CFAP45: variants seen among roughly 807,000 people sequenced by gnomAD.
CFAP45 encodes the protein cilia and flagella associated protein 45.
A neutral mutation model predicts 75.6 loss-of-function variants in CFAP45; 43 were observed. That is an observed-to-expected ratio of 0.57 (90% confidence interval 0.45 to 0.73). The LOEUF is 0.73. CFAP45 is among the 30% of genes least tolerant of loss of function. CFAP45 has a pLI of 0.00. For missense variants in CFAP45, 689 were observed against 701.5 expected, an observed-to-expected ratio of 0.98 and a Z score of 0.20; for synonymous variants, 223 against 244.6, an observed-to-expected ratio of 0.91 and a Z score of 0.82.
intron 4 of CFAP45, 77 bp downstream of exon 4, chr1:159,888,275 C>A: frequency 6.9e-7 from 1 of 1,443,388 alleles, no homozygotes; most frequent in Non-Finnish European, 9.6e-7. Flanking sequence ...ATTTCAGGGT[C>A]CCCTGATGAG....
At chr1:159,889,808 G>A in intron 3 of CFAP45, among the ~76,000 whole-genome samples, 1 of 152,204 alleles carries the variant, frequency 6.6e-6, no homozygotes, top group East Asian at 1.9e-4. Flanking sequence ...GATTTTCTGG[G>A]AATTAGGGCT....
Position 159,877,382 on chromosome 1 carries a change from C to T in CFAP45, c.1125G>A (p.Met375Ile). Residue 375 changes from methionine (M) to isoleucine (I), a missense_variant, in exon 9 of 12, where the codon ATG becomes ATA. Transcript: ENST00000368099. Reference protein sequence around the residue: ...KEKEIARLRAMQEKAQDYQAE... With the variant: ...KEKEIARLRAIQEKAQDYQAE... Reference sequence around the variant, plus strand: ...CCTGGTAATCCTGGGCCTTCTCCTGCATGGCCCTCAAGCGTGCGATCTCCT... The same window carrying T: ...CCTGGTAATCCTGGGCCTTCTCCTGTATGGCCCTCAAGCGTGCGATCTCCT... 3.1e-6 allele frequency: 5 copies of T among 1,613,658 alleles called. No individual in the cohort carries two copies. Among genetic ancestry groups the T allele is most frequent in the African/African-American group, 1.3e-5 (1 of 75,044 alleles).
At chr1:159,873,241 T>TCCC in intron 10 of CFAP45, 73 bp from the exon 11 acceptor site, 1 of 1,299,862 alleles carries the variant, frequency 7.7e-7, no homozygotes, top group Non-Finnish European at 1.1e-6. Context: ...TGGGGGAGCC[T>TCCC]CCTGGGTGGG....
At chr1:159,874,220 A>C (rs1319556271) in intron 10 of CFAP45, among the ~76,000 whole-genome samples, 1 of 152,132 alleles carries the variant, frequency 6.6e-6, no homozygotes, top group Non-Finnish European at 1.5e-5. Flanking sequence ...GAAATGTAAA[A>C]TCATCTTAGG....
chr1:159,872,901 C>G (rs4460634), intron 11 of CFAP45, 43 bp downstream of exon 11: 1,024,532 of 1,569,762 alleles, frequency 0.65, 339,029 homozygotes, highest in Admixed American at 0.76. Context: ...CATCTCTTTG[C>G]GGGAGGGAAG....
At chr1:159,887,617 G>A (rs568924955) in intron 5 of CFAP45, among the ~76,000 whole-genome samples, 2 of 152,340 alleles carry the variant, frequency 1.3e-5, no homozygotes, top group East Asian at 1.9e-4. Context: ...TGAAGAAAGT[G>A]AGGCTCAGGG....
intron 1 of CFAP45, among the ~76,000 whole-genome samples, chr1:159,898,539 C>T (rs1484532215): frequency 2.0e-5 from 3 of 152,186 alleles, no homozygotes; most frequent in Non-Finnish European, 2.9e-5. Flanking sequence ...CAGTCCTGTC[C>T]CAGGAATTAC....
chr1:159,899,462 C>CTTTTTTT (rs57828010), intron 1 of CFAP45, among the ~76,000 whole-genome samples: 1 of 60,528 alleles, frequency 1.7e-5, no homozygotes, highest in African/African-American at 6.6e-5. Context: ...CTCACCAGTG[C>CTTTTTTT]TTTTTTTTTT....
At chr1:159,894,613 C>T (rs915579349) in intron 1 of CFAP45, among the ~76,000 whole-genome samples, 1 of 152,178 alleles carries the variant, frequency 6.6e-6, no homozygotes, top group Non-Finnish European at 1.5e-5. Flanking sequence ...TCCCAAGACC[C>T]TTTTAGTGTG....
chr1:159,881,282 G>A (rs1649545197), intron 7 of CFAP45, among the ~76,000 whole-genome samples: 1 of 152,202 alleles, frequency 6.6e-6, no homozygotes, highest in Non-Finnish European at 1.5e-5. Flanking sequence ...CGGCCACACA[G>A]CTTATAATCT....
chr1:159,886,803 T>C, intron 5 of CFAP45, 114 bp from the exon 6 acceptor site: 1 of 798,648 alleles, frequency 1.3e-6, no homozygotes, highest in Non-Finnish European at 2.1e-6. Context: ...GCATGACTGC[T>C]CACAAGTCCG....
At chr1:159,877,562 C>T in intron 8 of CFAP45, 100 bp from the exon 9 acceptor site, 1 of 823,924 alleles carries the variant, frequency 1.2e-6, no homozygotes, top group South Asian at 1.3e-5. Flanking sequence ...TCCCCTACCA[C>T]TTCCTGACTC....
intron 1 of CFAP45, 29 bp from the exon 2 acceptor site, chr1:159,893,334 A>C: frequency 1.9e-6 from 3 of 1,610,222 alleles, no homozygotes. Flanking sequence ...AGTTTGGGTC[A>C]TCAGTACTGA....
intron 8 of CFAP45, among the ~76,000 whole-genome samples, chr1:159,878,789 T>C (rs936095367): frequency 4.2e-5 from 2 of 48,164 alleles, no homozygotes; most frequent in East Asian, 2.6e-3. Context: ...AAAACCTTCC[T>C]TGCCCTCATT....
At chr1:159,895,221 G>C (rs1431329974) in intron 1 of CFAP45, among the ~76,000 whole-genome samples, 1 of 152,124 alleles carries the variant, frequency 6.6e-6, no homozygotes, top group South Asian at 2.1e-4. Context: ...ATGACTCCAG[G>C]CTTATGATAA....
At chr1:159,882,103 A>C (rs902563510) in intron 7 of CFAP45, among the ~76,000 whole-genome samples, 1 of 152,142 alleles carries the variant, frequency 6.6e-6, no homozygotes, top group Non-Finnish European at 1.5e-5. Context: ...TCTGAACCAG[A>C]GCGGTATGGC....
rs1292028316 is a variant in CFAP45 at position 159,890,582 on chromosome 1, A to C, written c.170T>G (p.Leu57Arg). The stretch of plus-strand genomic sequence containing the variant: ...TTTTTGAAGGGTATGCTTATCTCGG[A>C]GCAGCACAATGGGGCTGTCGCTCTG... ...QGQSDSPIVL[L>R]RDKHTLQKTL... The change falls in exon 3 of 12, where the codon CTC becomes CGC. Residue 57 changes from leucine to arginine, a missense_variant. Coordinates refer to ENST00000368099, the MANE Select transcript of CFAP45 (RefSeq NM_012337.3). 5 of 1,613,904 alleles carry C rather than the reference A, an allele frequency of 3.1e-6. No homozygotes were observed. Among genetic ancestry groups the C allele is most frequent in the African/African-American group, 1.3e-5 (1 of 74,862 alleles).
intron 10 of CFAP45, 39 bp from the exon 11 acceptor site, chr1:159,873,207 G>A: frequency 1.3e-6 from 2 of 1,580,748 alleles, no homozygotes; most frequent in South Asian, 1.1e-5. Flanking sequence ...ACTCAGCTGA[G>A]CTGGCCCAGG....
At chr1:159,882,724 G>T (rs1223410364) in intron 7 of CFAP45, among the ~76,000 whole-genome samples, 4 of 152,116 alleles carry the variant, frequency 2.6e-5, no homozygotes, top group Non-Finnish European at 5.9e-5. Flanking sequence ...CTGACTCATG[G>T]ACTCCTAGAA....
Sources: allele counts gnomAD v4.1 joint callset (sites outside exome capture counted in the v4.1 genomes callset), GRCh38; gene constraint gnomAD v4.1.1; transcripts MANE v1.5; gene names NCBI Gene and HGNC (gene_info 2026-07-23, HGNC 2026-07-21).